DEPDC1B: variants seen among roughly 807,000 people sequenced by gnomAD.
DEPDC1B encodes DEP domain-containing protein 1B.
Under a neutral mutation model 66.5 loss-of-function variants are expected in DEPDC1B, and 51 were observed. The ratio of observed to expected loss-of-function variants is 0.77; its 90% CI spans 0.61 to 0.97. The LOEUF (loss-of-function observed/expected upper bound fraction) is 0.97, where lower values mean the gene tolerates loss of function less well. Ranked by LOEUF, DEPDC1B falls within the 50% of genes least tolerant of loss-of-function variation. The pLI, the probability that DEPDC1B is intolerant of heterozygous loss-of-function variation, is 0.00. For synonymous variants in DEPDC1B, 226 were observed against 223.6 expected, an observed-to-expected ratio of 1.01 and a Z score of -0.10; for missense variants, 552 against 637.1, an observed-to-expected ratio of 0.87 and a Z score of 1.44.
At chr5:60,677,295 G>GACACACACACACACACAC (rs770270774) in intron 2 of DEPDC1B, among the ~76,000 whole-genome samples, 2 of 113,706 alleles carry the variant, frequency 1.8e-5, no homozygotes, top group African/African-American at 7.3e-5. Flanking sequence ...TTTTCATACA[G>GACACACACACACACACAC]ACACACACAC....
At chr5:60,670,026 C>T (rs1341952912) in intron 2 of DEPDC1B, among the ~76,000 whole-genome samples, 2 of 151,956 alleles carry the variant, frequency 1.3e-5, no homozygotes, top group Admixed American at 1.3e-4. Context: ...GAAAACTGCA[C>T]CGAAATAATC....
intron 3 of DEPDC1B, among the ~76,000 whole-genome samples, 195 bp downstream of exon 3, chr5:60,647,203 T>A (rs1012469057): frequency 2.0e-5 from 3 of 149,718 alleles, no homozygotes; most frequent in Non-Finnish European, 4.4e-5. Context: ...ACAACAACTA[T>A]TTACATGCAA....
chr5:60,613,867 T>C (rs1752477497), intron 7 of DEPDC1B, among the ~76,000 whole-genome samples: 1 of 151,270 alleles, frequency 6.6e-6, no homozygotes, highest in Non-Finnish European at 1.5e-5. Context: ...TGTTTTGCCA[T>C]TAATTGGGTC....
intron 9 of DEPDC1B, among the ~76,000 whole-genome samples, chr5:60,602,142 G>A (rs1449709313): frequency 6.7e-6 from 1 of 150,210 alleles, no homozygotes; most frequent in African/African-American, 2.4e-5. Flanking sequence ...CAGGCAAGAA[G>A]GAAGCAGGGA....
intron 7 of DEPDC1B, among the ~76,000 whole-genome samples, chr5:60,616,752 G>T (rs933112151): frequency 1.3e-5 from 2 of 152,144 alleles, no homozygotes; most frequent in African/African-American, 4.8e-5. Context: ...ATCTAGCAAG[G>T]CAGGCCAACA....
intron 7 of DEPDC1B, among the ~76,000 whole-genome samples, chr5:60,616,265 A>G (rs1366314711): frequency 1.3e-5 from 2 of 152,260 alleles, no homozygotes; most frequent in Admixed American, 6.5e-5. Flanking sequence ...GCAGCTCCTC[A>G]GCAGCAACAG....
In DEPDC1B at chr5:60,599,060, A is replaced by C; in HGVS notation, c.1428+15T>G. ...AGGGAGGAGAAAAAATGGCTTATAAAGAATATCCTTTTACCTGCTTCAGTT... is the reference window on the plus strand; with the variant it reads ...AGGGAGGAGAAAAAATGGCTTATAACGAATATCCTTTTACCTGCTTCAGTT... On this transcript the variant is annotated intron_variant, in intron 10 of 10. Coordinates refer to ENST00000265036, the MANE Select transcript of DEPDC1B (RefSeq NM_018369.3). The C allele has an allele frequency of 1.3e-6, 2 of 1,556,864 alleles. No homozygotes were observed. The highest frequency in any genetic ancestry group is 8.6e-7 in the Non-Finnish European group (1 of 1,158,952).
intron 2 of DEPDC1B, among the ~76,000 whole-genome samples, chr5:60,686,084 G>A (rs538009162): frequency 6.6e-6 from 1 of 152,302 alleles, no homozygotes; most frequent in South Asian, 2.1e-4. Flanking sequence ...AGTCCAAGAG[G>A]GAGACAAAGA....
chr5:60,601,938 T>C (rs377261809), intron 9 of DEPDC1B, among the ~76,000 whole-genome samples: 10 of 152,308 alleles, frequency 6.6e-5, no homozygotes, highest in African/African-American at 2.4e-4. Flanking sequence ...GGGACAGATG[T>C]TGAAGCACAG....
intron 7 of DEPDC1B, among the ~76,000 whole-genome samples, chr5:60,606,843 C>T (rs950228910): frequency 6.6e-6 from 1 of 151,710 alleles, no homozygotes; most frequent in African/African-American, 2.4e-5. Flanking sequence ...TGTCCCTGGA[C>T]ATACTTATAT....
At chr5:60,676,681 T>TA (rs961764643) in intron 2 of DEPDC1B, among the ~76,000 whole-genome samples, 22 of 152,264 alleles carry the variant, frequency 1.4e-4, no homozygotes, top group African/African-American at 4.1e-4. Context: ...CCCTTCTTTT[T>TA]ATCCAGATCC....
At chr5:60,674,635 C>A (rs994543067) in intron 2 of DEPDC1B, among the ~76,000 whole-genome samples, 1 of 152,172 alleles carries the variant, frequency 6.6e-6, no homozygotes, top group Non-Finnish European at 1.5e-5. Flanking sequence ...ACCTAATAAT[C>A]TGTTGCAGTC....
At chr5:60,682,786 AAT>A (rs1554055858) in intron 2 of DEPDC1B, among the ~76,000 whole-genome samples, 2 of 152,194 alleles carry the variant, frequency 1.3e-5, no homozygotes, top group Non-Finnish European at 2.9e-5. Flanking sequence ...AACAAGATTG[AAT>A]CACTAATAAA....
Position 60,599,172 on chromosome 5 carries a change from C to A in DEPDC1B, c.1331G>T (p.Arg444Ile), listed in dbSNP as rs141961736. The change falls in exon 10 of 11, where the codon AGA (arginine) becomes ATA (isoleucine). Residue 444 changes from arginine (R) to isoleucine (I), a missense_variant. By Grantham distance (97) the Arg-to-Ile change is moderately conservative. Transcript: ENST00000265036. ...CAGAGGTTCCTGAGAGCCATATGAT[C>A]TTTGATATTCAAATTCCTCTGGACT... ...QISPEEFEYQ[R>I]SYGSQEPLAA... 3 of 1,613,502 alleles carry A rather than the reference C, an allele frequency of 1.9e-6. No individual in the cohort carries two copies. The highest frequency in any genetic ancestry group is 2.5e-6 in the Non-Finnish European group (3 of 1,179,712).
chr5:60,620,635 A>C (rs1338986435), intron 7 of DEPDC1B, among the ~76,000 whole-genome samples: 1 of 152,162 alleles, frequency 6.6e-6, no homozygotes, highest in Non-Finnish European at 1.5e-5. Context: ...AAAAGTCAGG[A>C]AACAACAGGT....
At chr5:60,675,765 C>T (rs1439043582) in intron 2 of DEPDC1B, among the ~76,000 whole-genome samples, 1 of 152,158 alleles carries the variant, frequency 6.6e-6, no homozygotes, top group Non-Finnish European at 1.5e-5. Flanking sequence ...TCGCTTTCAC[C>T]AGTTACCTTA....
At chr5:60,622,492 T>C (rs561106682) in intron 7 of DEPDC1B, among the ~76,000 whole-genome samples, 17 of 152,346 alleles carry the variant, frequency 1.1e-4, no homozygotes, top group Admixed American at 6.5e-5. Context: ...TTTGATATTA[T>C]GAATAAAGCT....
chr5:60,616,885 G>C (rs951387675), intron 7 of DEPDC1B, among the ~76,000 whole-genome samples: 2 of 152,312 alleles, frequency 1.3e-5, no homozygotes, highest in East Asian at 1.9e-4. Context: ...GGCAGCCAGA[G>C]AGAAAGGTCA....
intron 9 of DEPDC1B, among the ~76,000 whole-genome samples, chr5:60,599,587 G>A (rs1169143377): frequency 3.3e-5 from 5 of 152,182 alleles, no homozygotes; most frequent in East Asian, 1.9e-4. Flanking sequence ...TGACATGCTC[G>A]TGATGGCCTT....
Sources: allele counts gnomAD v4.1 joint callset (sites outside exome capture counted in the v4.1 genomes callset), GRCh38; gene constraint gnomAD v4.1.1; transcripts MANE v1.5; gene names NCBI Gene and HGNC (gene_info 2026-07-23, HGNC 2026-07-21).